CENPE: variants seen among roughly 807,000 people sequenced by gnomAD.
The protein encoded by CENPE is centromere protein E, also known as centromere-associated protein E.
Under a neutral mutation model 336.1 loss-of-function variants are expected in CENPE, and 145 were observed. That is an observed-to-expected ratio of 0.43 (90% CI 0.38 to 0.50). The LOEUF is 0.50. Ranked by LOEUF, CENPE falls within the 20% of genes least tolerant of loss-of-function variation. The pLI is 0.00. For synonymous variants in CENPE, 1,013 were observed against 984.8 expected, an observed-to-expected ratio of 1.03 and a Z score of -0.54; for missense variants, 2,719 against 3,023.3, an observed-to-expected ratio of 0.90 and a Z score of 2.36.
At position 103,147,532 on chromosome 4, in the gene CENPE, A is replaced by G; in HGVS notation, c.3958T>C (p.Ser1320Pro). 8 of 1,614,008 alleles carry G rather than the reference A, an allele frequency of 5.0e-6. No homozygotes were observed. The highest frequency in any genetic ancestry group is 1.1e-5 in the South Asian group (1 of 91,082). Residue 1320 changes from serine to proline, a missense_variant, in exon 29 of 49, where the codon TCA becomes CCA. By Grantham distance (74) the Ser-to-Pro change is moderately conservative. This residue lies in a region of CENPE where 2,437 missense variants were observed against 2,513.3 expected (regional missense o/e 0.97). Coordinates refer to ENST00000265148, the MANE Select transcript of CENPE (RefSeq NM_001813.3). The part of the protein sequence containing the change: ...LLTEQSTTKD[S>P]TTLARIEMER... Reference sequence around the variant, plus strand: ...ATTTCTATTCTTGCCAGTGTTGTTGAGTCCTTGGTTGTGGACTGTTCTGTT... The same window carrying G: ...ATTTCTATTCTTGCCAGTGTTGTTGGGTCCTTGGTTGTGGACTGTTCTGTT...
At position 103,160,504 on chromosome 4, in the gene CENPE, A is replaced by T. The variant is rs982720283; in HGVS notation, c.2286+121T>A. The T allele has an allele frequency of 2.9e-5, 21 of 715,340 alleles. No homozygotes were observed. In the African/African-American group the frequency reaches 3.3e-4, roughly 11 times the overall value. 44.3% of individuals were successfully genotyped at this position (715,340 alleles called of 1,614,324 possible). A position where few individuals can be genotyped will look rare whatever the true frequency, so the allele number is the denominator to read the frequency against. ...TCATTTCTATTTCTAACTAGTCAAA[A>T]CGTTTACAGTATCTCTCTTGTCTGC... On this transcript the variant is annotated intron_variant, in intron 21 of 48. Transcript: ENST00000265148.
At chr4:103,116,194 G>A (rs924843802) in intron 45 of CENPE, among the ~76,000 whole-genome samples, 2 of 151,510 alleles carry the variant, frequency 1.3e-5, no homozygotes, top group African/African-American at 4.9e-5. Context: ...CAGAAACACA[G>A]TAAGGCCAAC....
intron 42 of CENPE, among the ~76,000 whole-genome samples, 189 bp downstream of exon 42, chr4:103,132,504 C>T (rs1222493129): frequency 3.9e-5 from 6 of 152,068 alleles, no homozygotes; most frequent in Non-Finnish European, 5.9e-5. Context: ...AACAAGATTT[C>T]GTTACCTTGA....
At chr4:103,112,490 A>G (rs1027348404) in intron 46 of CENPE, among the ~76,000 whole-genome samples, 48 of 144,978 alleles carry the variant, frequency 3.3e-4, no homozygotes, top group Admixed American at 3.5e-4. Context: ...TATACTAAGT[A>G]TACTTATGTA....
chr4:103,190,374 G>A (rs550054380), intron 8 of CENPE, among the ~76,000 whole-genome samples: 226 of 152,268 alleles, frequency 1.5e-3, no homozygotes, highest in African/African-American at 5.2e-3. Flanking sequence ...GAGGCATCAT[G>A]CTACCTGACT....
chr4:103,123,929 G>A (rs1750868976), intron 42 of CENPE, among the ~76,000 whole-genome samples: 1 of 152,188 alleles, frequency 6.6e-6, no homozygotes, highest in South Asian at 2.1e-4. Context: ...TTATCAGGTA[G>A]GCACTGTATC....
At position 103,141,255 on chromosome 4, in the gene CENPE, AATAT is replaced by A. The variant is rs951847744; in HGVS notation, c.5464-155_5464-152del. ...AGAATTTTACTTTCTTTTGAGGTAT[AATAT>A]ATATAAAGCATGCTCATCTTCAATG... On this transcript the variant is annotated intron_variant, in intron 35 of 48. Coordinates refer to ENST00000265148, the MANE Select transcript of CENPE (RefSeq NM_001813.3). 13 of 570,562 alleles carry A rather than the reference AATAT, an allele frequency of 2.3e-5. No homozygotes were observed. In the Admixed American group the frequency reaches 4.4e-4, roughly 19 times the overall value. 35.3% of individuals were successfully genotyped at this position (570,562 alleles called of 1,614,324 possible).
At chr4:103,176,345 T>C (rs1363961826) in intron 14 of CENPE, among the ~76,000 whole-genome samples, 1 of 151,836 alleles carries the variant, frequency 6.6e-6, no homozygotes, top group Non-Finnish European at 1.5e-5. Flanking sequence ...GATTTAAAAT[T>C]CCCCCCCAAC....
intron 16 of CENPE, among the ~76,000 whole-genome samples, chr4:103,168,506 G>A (rs1294780764): frequency 2.0e-5 from 3 of 152,178 alleles, no homozygotes; most frequent in Non-Finnish European, 4.4e-5. Context: ...TGGGAGTCTT[G>A]ACTGCTGGTG....
intron 1 of CENPE, among the ~76,000 whole-genome samples, chr4:103,197,539 C>A (rs548995967): frequency 6.6e-6 from 1 of 152,190 alleles, no homozygotes; most frequent in African/African-American, 2.4e-5. Flanking sequence ...AATTCCTGAT[C>A]TTGGTATTTG....
At chr4:103,134,841 C>T (rs571790728) in intron 40 of CENPE, among the ~76,000 whole-genome samples, 1 of 152,162 alleles carries the variant, frequency 6.6e-6, no homozygotes, top group Non-Finnish European at 1.5e-5. Flanking sequence ...TATTCCTCAA[C>T]TTCCACCATT....
At position 103,143,003 on chromosome 4, in the gene CENPE, C is replaced by CAAAAAAAAAAAAAAAAAAAAAAA. The variant is rs1168385683; in HGVS notation, c.5304+222_5304+244dup. 3.2e-5 allele frequency among the ~76,000 whole-genome samples: 2 copies of CAAAAAAAAAAAAAAAAAAAAAAA among 62,976 alleles called. 1 individual carries two copies. Among genetic ancestry groups the CAAAAAAAAAAAAAAAAAAAAAAA allele is most frequent in the Non-Finnish European group, 6.1e-5 (2 of 32,552 alleles). 41.3% of individuals were successfully genotyped at this position (62,976 alleles called of 152,430 possible). A position where few individuals can be genotyped will look rare whatever the true frequency, so the allele number is the denominator to read the frequency against. On this transcript the variant is annotated intron_variant, in intron 34 of 48. Transcript: ENST00000265148. ...CAGGCGACAGAGCGAGACTCTGTCT[C>CAAAAAAAAAAAAAAAAAAAAAAA]AAAAAAAAAAAAAAAAAAAAAAAAG...
At chr4:103,157,080 A>C (rs59633163) in intron 24 of CENPE, among the ~76,000 whole-genome samples, 4 of 141,486 alleles carry the variant, frequency 2.8e-5, no homozygotes, top group Non-Finnish European at 3.1e-5. Context: ...AAAAAAAAAA[A>C]CAGAAAATAG....
At chr4:103,135,562 G>A (rs1436715969) in intron 40 of CENPE, among the ~76,000 whole-genome samples, 1 of 151,954 alleles carries the variant, frequency 6.6e-6, no homozygotes, top group Non-Finnish European at 1.5e-5. Flanking sequence ...CCAGCCCTGT[G>A]AAACCCTCCC....
At chr4:103,116,502 C>CT in intron 45 of CENPE, 75 bp downstream of exon 45, 1 of 607,100 alleles carries the variant, frequency 1.6e-6, no homozygotes, top group Non-Finnish European at 2.7e-6. Flanking sequence ...AAAAAGTTAA[C>CT]TAATGAAAAG....
At chr4:103,122,821 C>T (rs1750754846) in intron 43 of CENPE, 50 bp downstream of exon 43, 1 of 1,392,448 alleles carries the variant, frequency 7.2e-7, no homozygotes, top group South Asian at 1.2e-5. Context: ...TTGCTCTAAA[C>T]TCTGTGATGA....
In CENPE at chr4:103,174,782, A is replaced by G; in HGVS notation, c.1601T>C (p.Leu534Ser). The G allele has an allele frequency of 6.4e-7, 1 of 1,555,968 alleles. No homozygotes were observed. The highest frequency in any genetic ancestry group is 1.2e-5 in the South Asian group (1 of 82,148). Reference sequence around the variant, plus strand: ...TCTTTCTAGAGCCTCAAATTCATCCAAATCATTCTTTTCTTTTAATTTCAA... The same window carrying G: ...TCTTTCTAGAGCCTCAAATTCATCCGAATCATTCTTTTCTTTTAATTTCAA... ...MELKLKEKND[L>S]DEFEALERKT... Residue 534 changes from leucine to serine, a missense_variant, in exon 16 of 49, where the codon TTG (leucine) becomes TCG (serine). Physicochemically the swap from Leu to Ser is moderately radical, Grantham distance 145. Transcript: ENST00000265148.
chr4:103,154,297 GT>G (rs886711569), intron 24 of CENPE, among the ~76,000 whole-genome samples: 6 of 148,620 alleles, frequency 4.0e-5, no homozygotes, highest in African/African-American at 1.5e-4. Context: ...TTTTTTTTTT[GT>G]TTTTTTGTTT....
chr4:103,183,723 A>T (rs955747490), intron 9 of CENPE, among the ~76,000 whole-genome samples: 2 of 152,216 alleles, frequency 1.3e-5, no homozygotes, highest in Non-Finnish European at 2.9e-5. Context: ...TACACTTTGA[A>T]AAAGCTCCCT....
Sources: allele counts gnomAD v4.1 joint callset (sites outside exome capture counted in the v4.1 genomes callset), GRCh38; gene constraint gnomAD v4.1.1; regional missense constraint gnomAD v4.1.1; transcripts MANE v1.5; gene names NCBI Gene and HGNC (gene_info 2026-07-23, HGNC 2026-07-21).